The following RASGEF1C variants were observed in gnomAD, a reference collection of about 807,000 sequenced individuals.
RASGEF1C encodes the protein ras-GEF domain-containing family member 1C.
In RASGEF1C, 27 loss-of-function variants were observed where a neutral mutation model predicts 58.1. The ratio of observed to expected loss-of-function variants is 0.46; its 90% CI spans 0.34 to 0.64. The LOEUF is 0.64. Ranked by LOEUF, RASGEF1C falls within the 30% of genes least tolerant of loss-of-function variation. The pLI is 0.01. For missense variants in RASGEF1C, 502 were observed against 605.1 expected (o/e 0.83, Z 1.79); for synonymous variants, 243 against 246.3 (o/e 0.99, Z 0.13).
rs1766618884 is a variant in RASGEF1C at position 180,143,687 on chromosome 5, T to C, written c.-6-5629A>G. Among the ~76,000 whole-genome samples the C allele has an allele frequency of 6.6e-6, 1 of 152,194 alleles. No individual in the cohort carries two copies. The highest frequency in any genetic ancestry group is 2.4e-5 in the African/African-American group (1 of 41,446). Reference sequence around the variant, plus strand: ...TAAGGGTGGCAATTAATTCTATTTTTTTAAAAAGCCACTGATGGGGCCACA... The same window carrying C: ...TAAGGGTGGCAATTAATTCTATTTTCTTAAAAAGCCACTGATGGGGCCACA... On this transcript the variant is annotated intron_variant, in intron 1 of 13. Coordinates refer to ENST00000361132, the MANE Select transcript of RASGEF1C (RefSeq NM_175062.4). The surrounding 1 kb of genome is among the most constrained non-coding windows in gnomAD (Gnocchi z 4.3).
chr5:180,193,078 C>T (rs1347602511), intron 1 of RASGEF1C, among the ~76,000 whole-genome samples: 7 of 134,540 alleles, frequency 5.2e-5, no homozygotes, highest in East Asian at 2.3e-4. Context: ...TTTTTTGAGA[C>T]GGTGTCTTGC....
intron 1 of RASGEF1C, among the ~76,000 whole-genome samples, chr5:180,191,051 C>A (rs1255814663): frequency 6.6e-6 from 1 of 152,168 alleles, no homozygotes; most frequent in Non-Finnish European, 1.5e-5. Context: ...TGTCTCATAT[C>A]ATTAGTCATC....
intron 6 of RASGEF1C, among the ~76,000 whole-genome samples, chr5:180,125,813 T>C (rs1169068181): frequency 6.6e-6 from 1 of 152,104 alleles, no homozygotes; most frequent in Non-Finnish European, 1.5e-5. Flanking sequence ...TCTTAATTGC[T>C]AATATAAATA....
chr5:180,187,691 TTGAA>T (rs1216719702), intron 1 of RASGEF1C, among the ~76,000 whole-genome samples: 2 of 152,160 alleles, frequency 1.3e-5, no homozygotes, highest in Admixed American at 1.3e-4. Context: ...GGCAAAATAC[TTGAA>T]TAGACATTTT....
chr5:180,173,705 G>C (rs542655887), intron 1 of RASGEF1C, among the ~76,000 whole-genome samples: 8 of 152,254 alleles, frequency 5.3e-5, no homozygotes, highest in African/African-American at 1.7e-4. Context: ...ACAAGGTCAG[G>C]AGTTTGAGAC....
chr5:180,111,569 C>G lies in RASGEF1C; in HGVS notation c.1191G>C (p.Glu397Asp), dbSNP rs761876328. Residue 397 changes from glutamate (E) to aspartate (D), a missense_variant, in exon 12 of 14, where the codon GAG (glutamate) becomes GAC (aspartate). Glu to Asp is a conservative substitution (Grantham distance 45). Transcript: ENST00000361132. ...NGHVNFEKFL[E>D]LAKQVGEFIT... ...TGAACTCCCCCACCTGCTTGGCCAG[C>G]TCCAGGAATTTCTGCCAGGGTCACA... 1.2e-6 allele frequency: 2 copies of G among 1,614,166 alleles called. No homozygotes were observed. Among genetic ancestry groups the G allele is most frequent in the Admixed American group, 1.7e-5 (1 of 60,022 alleles).
At position 180,158,555 on chromosome 5, in the gene RASGEF1C, T is replaced by G. The variant is rs1225477422; in HGVS notation, c.-6-20497A>C. Among the ~76,000 whole-genome samples the G allele has an allele frequency of 6.6e-6, 1 of 152,216 alleles. No individual in the cohort carries two copies. The highest frequency in any genetic ancestry group is 1.9e-4 in the East Asian group (1 of 5,200). ...ATTGTTTTCTGGCTTCTCTCTTAAC[T>G]TTGTAGAATTTTCTTTGTTCCCGTA... On this transcript the variant is annotated intron_variant, in intron 1 of 13. Transcript: ENST00000361132. The surrounding 1 kb of genome is among the most constrained non-coding windows in gnomAD (Gnocchi z 4.0).
chr5:180,120,301 C>T (rs1352039699), intron 7 of RASGEF1C, among the ~76,000 whole-genome samples: 1 of 152,190 alleles, frequency 6.6e-6, no homozygotes, highest in Non-Finnish European at 1.5e-5. Flanking sequence ...GGGGCTGAGC[C>T]AGGTGGGGGA....
chr5:180,106,002 G>A (rs1765869810), intron 12 of RASGEF1C, among the ~76,000 whole-genome samples: 1 of 152,214 alleles, frequency 6.6e-6, no homozygotes, highest in African/African-American at 2.4e-5. Flanking sequence ...GCAAAGGGAT[G>A]AATCATGTCC....
intron 12 of RASGEF1C, among the ~76,000 whole-genome samples, chr5:180,106,314 C>G (rs574585890): frequency 6.6e-6 from 1 of 152,256 alleles, no homozygotes; most frequent in African/African-American, 2.4e-5. Context: ...TTATTTCCAT[C>G]CTGCTGCTGG....
Position 180,119,443 on chromosome 5 carries a change from G to A in RASGEF1C, c.810C>T (p.Ala270=), listed in dbSNP as rs758058828. 2 of 1,613,884 alleles carry A rather than the reference G, an allele frequency of 1.2e-6. No homozygotes were observed. The highest frequency in any genetic ancestry group is 1.7e-6 in the Non-Finnish European group (2 of 1,179,810). ...TCACCTGGGCCCTCTGCTTCTTCTT[G>A]GCTGGCTGGGGACAGGGCAGCAGAG... ...YLVATEICMP[A]KKKQRAQVIE... The change falls in exon 8 of 14, where the codon GCC becomes GCT. Residue 270 remains alanine (A), a synonymous_variant. Coordinates refer to ENST00000361132, the MANE Select transcript of RASGEF1C (RefSeq NM_175062.4).
chr5:180,137,783 C>T lies in RASGEF1C; in HGVS notation c.178-71G>A. On this transcript the variant is annotated intron_variant, in intron 2 of 13. Transcript: ENST00000361132. The surrounding 1 kb of genome is among the most constrained non-coding windows in gnomAD (Gnocchi z 4.1). ...GGAGGGGCATGCTTCCCAGCTGGCC[C>T]TGTACCCTGGCCCAAGGTCACGCCC... is the stretch of plus-strand genomic sequence containing the variant. 2 of 1,605,784 alleles carry T rather than the reference C, an allele frequency of 1.2e-6. No individual in the cohort carries two copies.
At chr5:180,181,348 C>T (rs1195616625) in intron 1 of RASGEF1C, among the ~76,000 whole-genome samples, 1 of 152,224 alleles carries the variant, frequency 6.6e-6, no homozygotes, top group Admixed American at 6.5e-5. Context: ...CTAGCATTGT[C>T]GTCGGTTGGA....
At chr5:180,109,808 T>G (rs1765929544) in intron 12 of RASGEF1C, among the ~76,000 whole-genome samples, 1 of 152,184 alleles carries the variant, frequency 6.6e-6, no homozygotes, top group Admixed American at 6.5e-5. Context: ...AAATAGATTC[T>G]CCTCTCAGGG....
Position 180,137,223 on chromosome 5 carries a change from A to C in RASGEF1C, c.300+367T>G, listed in dbSNP as rs146743373. Among the ~76,000 whole-genome samples, 1 of 152,240 alleles carries C rather than the reference A, an allele frequency of 6.6e-6. No individual in the cohort carries two copies. The highest frequency in any genetic ancestry group is 1.5e-5 in the Non-Finnish European group (1 of 67,996). The stretch of plus-strand genomic sequence containing the variant: ...GGTAGAGCCCTACCGACGCGTGTGC[A>C]ATAGAGGCAGCCCGCAGGACCCGGC... On this transcript the variant is annotated intron_variant, in intron 3 of 13. Coordinates refer to ENST00000361132, the MANE Select transcript of RASGEF1C (RefSeq NM_175062.4). The surrounding 1 kb of genome is among the most constrained non-coding windows in gnomAD (Gnocchi z 4.1).
chr5:180,171,024 A>G (rs1038697343), intron 1 of RASGEF1C, among the ~76,000 whole-genome samples: 2 of 152,186 alleles, frequency 1.3e-5, no homozygotes, highest in Admixed American at 6.5e-5. Context: ...CAGATGGCCC[A>G]GGTCAGAAGA....
intron 1 of RASGEF1C, among the ~76,000 whole-genome samples, chr5:180,176,337 C>T (rs6601089): frequency 0.68 from 103,887 of 152,066 alleles, 35,963 homozygotes; most frequent in Non-Finnish European, 0.74. Context: ...CTGTTTTAAT[C>T]TTGCGAAGAC....
chr5:180,135,270 G>C (rs141294354), intron 4 of RASGEF1C: 2,476 of 152,362 alleles, frequency 0.016, 41 homozygotes, highest in Non-Finnish European at 0.027. Context: ...TGCCTGCTGT[G>C]TGAAGTGACC....
At chr5:180,126,189 C>T (rs573376083) in intron 6 of RASGEF1C, among the ~76,000 whole-genome samples, 1 of 152,306 alleles carries the variant, frequency 6.6e-6, no homozygotes, top group East Asian at 1.9e-4. Flanking sequence ...GGGCAGATCA[C>T]AAGGTCAGGA....
Sources: allele counts gnomAD v4.1 joint callset (sites outside exome capture counted in the v4.1 genomes callset), GRCh38; gene constraint gnomAD v4.1.1; non-coding constraint Gnocchi (gnomAD v3.1); transcripts MANE v1.5; gene names NCBI Gene and HGNC (gene_info 2026-07-23, HGNC 2026-07-21).